The following CCP110 variants were observed in gnomAD, a reference collection of about 807,000 sequenced individuals.
CCP110 encodes centriolar coiled-coil protein 110, also known as centriolar coiled-coil protein of 110 kDa.
CCP110 carries 43 observed loss-of-function variants against 105.5 expected under a neutral mutation model. The ratio of observed to expected loss-of-function variants is 0.41; its 90% CI spans 0.32 to 0.53. The LOEUF (loss-of-function observed/expected upper bound fraction) is 0.53. Ranked by LOEUF, CCP110 falls within the 20% of genes least tolerant of loss-of-function variation. The pLI is 0.32. For synonymous variants in CCP110, 353 were observed against 392.1 expected (o/e 0.90, Z 1.18); for missense variants, 1,016 against 1,189.1 (o/e 0.85, Z 2.14).
intron 14 of CCP110, among the ~76,000 whole-genome samples, chr16:19,550,839 ATTTGATGT>A (rs928244436): frequency 1.1e-4 from 17 of 152,202 alleles, no homozygotes; most frequent in Admixed American, 9.8e-4. Context: ...ACATTTCTTC[ATTTGATGT>A]TTTGTGCTTG....
At chr16:19,532,670 T>C in intron 3 of CCP110, 126 bp downstream of exon 3, 2 of 735,438 alleles carry the variant, frequency 2.7e-6, no homozygotes, top group South Asian at 4.2e-5. Flanking sequence ...TTTGAGAAGC[T>C]TCATAATTTG....
chr16:19,528,855 A>G (rs995400256), intron 2 of CCP110, among the ~76,000 whole-genome samples: 2 of 152,246 alleles, frequency 1.3e-5, no homozygotes, highest in African/African-American at 4.8e-5. Flanking sequence ...TCAGGATTGC[A>G]TCATTGCCTG....
At chr16:19,525,507 G>A (rs1011236605) in intron 1 of CCP110, 1 of 152,194 alleles carries the variant, frequency 6.6e-6, no homozygotes, top group Non-Finnish European at 1.5e-5. Context: ...TTAATCATGG[G>A]ATACAGACTG....
At chr16:19,540,610 A>T in intron 4 of CCP110, 47 bp from the exon 5 acceptor site, 1 of 1,523,354 alleles carries the variant, frequency 6.6e-7, no homozygotes, top group South Asian at 1.1e-5. Flanking sequence ...AATATCAGAC[A>T]TTAGACTTGT....
At chr16:19,539,948 C>T (rs939522262) in intron 4 of CCP110, among the ~76,000 whole-genome samples, 4 of 151,492 alleles carry the variant, frequency 2.6e-5, no homozygotes, top group African/African-American at 7.3e-5. Context: ...TACAGGCATG[C>T]GCTTGTATTT....
intron 8 of CCP110, among the ~76,000 whole-genome samples, chr16:19,543,639 G>C (rs1488919222): frequency 6.6e-6 from 1 of 152,156 alleles, no homozygotes; most frequent in African/African-American, 2.4e-5. Flanking sequence ...GGAAGATATT[G>C]CTAAATTCTT....
chr16:19,536,201 A>C (rs759506196), exon 4 of CCP110: 2 of 1,614,148 alleles, frequency 1.2e-6, no homozygotes, highest in Non-Finnish European at 1.7e-6. Flanking sequence ...TGATAGTTCC[A>C]ATATTAGTCA....
chr16:19,535,925 A>T lies in CCP110; in HGVS notation c.271-15A>T. On this transcript the variant is annotated splice_polypyrimidine_tract_variant and intron_variant, in intron 3 of 14. Transcript: ENST00000381396. Reference sequence around the variant, plus strand: ...TGCAATGAGGAAATATTAATTTTTAAATTTCCTGTTTCAGGTTAGAAAAGC... The same window carrying T: ...TGCAATGAGGAAATATTAATTTTTATATTTCCTGTTTCAGGTTAGAAAAGC... The T allele has an allele frequency of 6.7e-7, 1 of 1,495,864 alleles. No individual in the cohort carries two copies. Among genetic ancestry groups the T allele is most frequent in the South Asian group, 1.3e-5 (1 of 76,486 alleles). 92.7% of individuals were successfully genotyped at this position (1,495,864 alleles called of 1,614,324 possible). A position where few individuals can be genotyped will look rare whatever the true frequency, so the allele number is the denominator to read the frequency against.
intron 2 of CCP110, among the ~76,000 whole-genome samples, chr16:19,529,166 C>T (rs1397563921): frequency 2.0e-5 from 3 of 152,024 alleles, no homozygotes; most frequent in Admixed American, 6.5e-5. Context: ...TATAAGTTAA[C>T]CATTTGGGTT....
At chr16:19,537,686 TG>T in intron 4 of CCP110, 99 bp downstream of exon 4, 1 of 634,556 alleles carries the variant, frequency 1.6e-6, no homozygotes, top group Middle Eastern at 4.3e-4. Context: ...TTTATTCATA[TG>T]GGCACTTAAT....
chr16:19,541,227 C>T (rs780572459), intron 5 of CCP110, among the ~76,000 whole-genome samples: 1 of 151,006 alleles, frequency 6.6e-6, no homozygotes, highest in Non-Finnish European at 1.5e-5. Flanking sequence ...CTAGCCACTG[C>T]ACTCCAGCCT....
intron 14 of CCP110, among the ~76,000 whole-genome samples, chr16:19,549,236 A>T (rs1414407514): frequency 2.6e-5 from 4 of 152,368 alleles, no homozygotes; most frequent in South Asian, 2.1e-4. Flanking sequence ...AGACACTTTG[A>T]TTAAGCTCAC....
exon 15 of CCP110, chr16:19,551,599 A>G (rs1970642799): frequency 5.3e-6 from 1 of 189,550 alleles, no homozygotes; most frequent in Admixed American, 6.0e-5. Flanking sequence ...AAAAGATAAG[A>G]CAAATTATAA....
chr16:19,525,859 G>A (rs1969652490), intron 1 of CCP110: 1 of 152,592 alleles, frequency 6.6e-6, no homozygotes, highest in African/African-American at 2.4e-5. Flanking sequence ...ATTTCAGATA[G>A]TGGTAAGTGC....
Position 19,545,168 on chromosome 16 carries a change from T to C in CCP110, c.2661T>C (p.His887=), listed in dbSNP as rs760248982. ...CAGCTGAAAGAATGTCTATTCTACA[T>C]CATGATCGAGAAGTTCGCAAAGAGA... Residue 887 remains histidine (H), a synonymous_variant, in exon 10 of 15, where the codon CAT becomes CAC. Coordinates refer to ENST00000381396, the Ensembl canonical transcript of CCP110. 5 of 1,611,264 alleles carry C rather than the reference T, an allele frequency of 3.1e-6. No homozygotes were observed. The African/African-American group carries it at 6.7e-5, about 22-fold the overall frequency.
At chr16:19,546,307 C>T in intron 11 of CCP110, 105 bp from the exon 12 acceptor site, 1 of 679,348 alleles carries the variant, frequency 1.5e-6, no homozygotes, top group South Asian at 1.9e-5. Flanking sequence ...AGTAGTACAC[C>T]AGCTTCTAAA....
At chr16:19,550,156 C>CTT (rs71375648) in intron 14 of CCP110, among the ~76,000 whole-genome samples, 22,355 of 144,800 alleles carry the variant, frequency 0.15, 1,730 homozygotes, top group Admixed American at 0.2. Flanking sequence ...TAATTGTGTT[C>CTT]TTTTTTTTTT....
intron 4 of CCP110, among the ~76,000 whole-genome samples, chr16:19,540,302 G>A (rs1970231494): frequency 6.6e-6 from 1 of 152,168 alleles, no homozygotes; most frequent in Non-Finnish European, 1.5e-5. Context: ...CAGAGATCCT[G>A]GAGGACAAGT....
At chr16:19,544,660 G>A in intron 8 of CCP110, 137 bp from the exon 9 acceptor site, 2 of 593,690 alleles carry the variant, frequency 3.4e-6, no homozygotes, top group East Asian at 2.8e-5. Flanking sequence ...GTATCTGAGG[G>A]ATTCATGGAA....
Sources: gnomAD v4.1 joint callset for allele counts (sites outside exome capture counted in the v4.1 genomes callset) on GRCh38, gnomAD v4.1.1 for gene constraint, MANE v1.5 for transcripts, NCBI Gene and HGNC (gene_info 2026-07-23, HGNC 2026-07-21) for gene names.